Variants in SCFD2 observed in about 807,000 individuals in gnomAD.
SCFD2 encodes sec1 family domain containing 2, also known as sec1 family domain-containing protein 2.
A neutral mutation model predicts 58.9 loss-of-function variants in SCFD2; 54 were observed. That is an observed-to-expected ratio of 0.92 (90% CI 0.74 to 1.15). The LOEUF (loss-of-function observed/expected upper bound fraction) is 1.15, where lower values mean the gene tolerates loss of function less well. Among genes scored for constraint, SCFD2 ranks in the 50% most tolerant of loss-of-function variants. The probability of loss-of-function intolerance (pLI) is 0.00; values close to 1 mark genes in which losing one functional copy is unlikely to be tolerated. For missense variants in SCFD2, 805 were observed against 836.6 expected, an observed-to-expected ratio of 0.96 and a Z score of 0.47; for synonymous variants, 321 against 335.9, an observed-to-expected ratio of 0.96 and a Z score of 0.49.
chr4:52,964,532 C>T (rs545483609), intron 5 of SCFD2, among the ~76,000 whole-genome samples: 2 of 152,308 alleles, frequency 1.3e-5, no homozygotes, highest in East Asian at 3.9e-4. Flanking sequence ...TTTCCAGGAA[C>T]ATTCTAGGAG....
intron 2 of SCFD2, among the ~76,000 whole-genome samples, chr4:53,346,447 T>C (rs1308268102): frequency 1.3e-5 from 2 of 152,054 alleles, no homozygotes; most frequent in Non-Finnish European, 2.9e-5. Flanking sequence ...GCTAATTTTG[T>C]ATTTTTAGTA....
In SCFD2 at chr4:53,201,295, A is replaced by G. The variant is rs139224140; in HGVS notation, c.1312-55713T>C. Among the ~76,000 whole-genome samples, 917 of 151,298 alleles carry G rather than the reference A, an allele frequency of 6.1e-3. 4 individuals carry two copies. Among genetic ancestry groups the G allele is most frequent in the Middle Eastern group, 0.01 (3 of 294 alleles). On this transcript the variant is annotated intron_variant, in intron 4 of 8. Transcript: ENST00000401642. Reference sequence around the variant, plus strand: ...AGGTGTTTGGTTTTTTCTCCTTGCCATAGTTTGCTGAGAATGGTGGTTTCC... The same window carrying G: ...AGGTGTTTGGTTTTTTCTCCTTGCCGTAGTTTGCTGAGAATGGTGGTTTCC...
At chr4:52,991,000 G>C (rs1408250262) in intron 5 of SCFD2, among the ~76,000 whole-genome samples, 1 of 152,208 alleles carries the variant, frequency 6.6e-6, no homozygotes, top group Non-Finnish European at 1.5e-5. Context: ...AGGCCCTTCA[G>C]TGTGCAAAAT....
At chr4:52,884,870 C>T (rs1718698127) in intron 8 of SCFD2, among the ~76,000 whole-genome samples, 2 of 152,300 alleles carry the variant, frequency 1.3e-5, no homozygotes, top group South Asian at 4.1e-4. Flanking sequence ...CTGCAGCCAT[C>T]ATTGACTGAG....
intron 5 of SCFD2, among the ~76,000 whole-genome samples, chr4:53,105,057 C>T (rs1724947084): frequency 6.6e-6 from 1 of 152,128 alleles, no homozygotes; most frequent in Non-Finnish European, 1.5e-5. Flanking sequence ...TGGGGTGGGG[C>T]ATTGCCTTAC....
chr4:52,921,282 T>C (rs1719729018), intron 5 of SCFD2, among the ~76,000 whole-genome samples: 1 of 152,096 alleles, frequency 6.6e-6, no homozygotes. Context: ...ACCAATAGTT[T>C]CCATAAAGCA....
At chr4:52,998,663 AAAG>A (rs1157655695) in intron 5 of SCFD2, among the ~76,000 whole-genome samples, 3 of 152,324 alleles carry the variant, frequency 2.0e-5, no homozygotes, top group African/African-American at 7.2e-5. Flanking sequence ...GATCACCCAA[AAAG>A]AAGACTGATG....
chr4:53,002,945 G>A lies in SCFD2; in HGVS notation c.1562-82075C>T, dbSNP rs145274848. Among the ~76,000 whole-genome samples the A allele has an allele frequency of 1.6e-3, 237 of 152,290 alleles. 2 individuals are homozygous for A. Among genetic ancestry groups the A allele is most frequent in the African/African-American group, 5.3e-3 (219 of 41,566 alleles). On this transcript the variant is annotated intron_variant, in intron 5 of 8. Transcript: ENST00000401642. ...TTACATGGTGGGAGTAGGAAGAAGA[G>A]AGAGAGGTGGGAGGTGCTACACACT...
intron 4 of SCFD2, among the ~76,000 whole-genome samples, chr4:53,202,640 G>C (rs1016170307): frequency 6.6e-6 from 1 of 152,156 alleles, no homozygotes; most frequent in Non-Finnish European, 1.5e-5. Flanking sequence ...TCACGATATT[G>C]ATTCCTCCTA....
chr4:52,960,296 G>GT (rs1720814271), intron 5 of SCFD2, among the ~76,000 whole-genome samples: 1 of 151,744 alleles, frequency 6.6e-6, no homozygotes, highest in African/African-American at 2.4e-5. Flanking sequence ...CCAATTACTG[G>GT]TATTAGTCAT....
At chr4:53,204,706 C>A (rs1728355789) in intron 4 of SCFD2, among the ~76,000 whole-genome samples, 3 of 142,876 alleles carry the variant, frequency 2.1e-5, no homozygotes, top group Admixed American at 1.4e-4. Flanking sequence ...TGAAAGAGTA[C>A]CCAGCATACT....
intron 4 of SCFD2, among the ~76,000 whole-genome samples, chr4:53,178,622 A>G (rs1436557673): frequency 1.3e-5 from 2 of 152,222 alleles, no homozygotes; most frequent in Admixed American, 1.3e-4. Context: ...GCAGCTCCTC[A>G]CCAGCAATGG....
At chr4:53,177,214 G>A (rs1577805816) in intron 4 of SCFD2, among the ~76,000 whole-genome samples, 2 of 152,174 alleles carry the variant, frequency 1.3e-5, no homozygotes, top group Non-Finnish European at 2.9e-5. Context: ...AGAGTCTAGT[G>A]GGGGATAGAA....
At chr4:53,144,338 G>A (rs1726256841) in intron 5 of SCFD2, among the ~76,000 whole-genome samples, 1 of 150,214 alleles carries the variant, frequency 6.7e-6, no homozygotes, top group African/African-American at 2.4e-5. Context: ...ATATATGTGT[G>A]TGTATATGTA....
At chr4:52,910,130 T>A (rs1719446970) in intron 6 of SCFD2, among the ~76,000 whole-genome samples, 1 of 152,224 alleles carries the variant, frequency 6.6e-6, no homozygotes, top group Non-Finnish European at 1.5e-5. Flanking sequence ...AAGACTACAT[T>A]CTCCAGCCTT....
chr4:52,994,452 C>T (rs1193954214), intron 5 of SCFD2, among the ~76,000 whole-genome samples: 1 of 152,164 alleles, frequency 6.6e-6, no homozygotes, highest in Non-Finnish European at 1.5e-5. Flanking sequence ...CCATCGGTGC[C>T]CTCACCTGTC....
At chr4:52,961,655 G>C (rs1720854887) in intron 5 of SCFD2, among the ~76,000 whole-genome samples, 1 of 152,168 alleles carries the variant, frequency 6.6e-6, no homozygotes, top group Admixed American at 6.5e-5. Flanking sequence ...CAAAGCAATG[G>C]AATAAGAACT....
At chr4:53,058,704 G>A (rs1468610729) in intron 5 of SCFD2, among the ~76,000 whole-genome samples, 2 of 152,034 alleles carry the variant, frequency 1.3e-5, no homozygotes, top group Non-Finnish European at 2.9e-5. Context: ...TTTTGGTTTC[G>A]ATCTCTGGGT....
chr4:53,335,409 G>A (rs1227638950), intron 2 of SCFD2, among the ~76,000 whole-genome samples: 2 of 152,102 alleles, frequency 1.3e-5, no homozygotes, highest in Non-Finnish European at 2.9e-5. Context: ...GACTAAGAGG[G>A]AATGACAAGT....
Sources: allele counts gnomAD v4.1 joint callset (sites outside exome capture counted in the v4.1 genomes callset), GRCh38; gene constraint gnomAD v4.1.1; transcripts MANE v1.5; gene names NCBI Gene and HGNC (gene_info 2026-07-23, HGNC 2026-07-21).